Variants in HPS6 observed in about 807,000 individuals in gnomAD.
HPS6 encodes the protein HPS6 biogenesis of lysosomal organelles complex 2 subunit 3, also known as BLOC-2 complex member HPS6.
A neutral mutation model predicts 53.6 loss-of-function variants in HPS6; 46 were observed. The ratio of observed to expected loss-of-function variants is 0.86; its 90% CI spans 0.68 to 1.10. The LOEUF (loss-of-function observed/expected upper bound fraction) is 1.10. HPS6 is among the 50% of genes least tolerant of loss of function. The pLI is 0.00. For missense variants in HPS6, 1,034 were observed against 991.3 expected, an observed-to-expected ratio of 1.04 and a Z score of -0.58; for synonymous variants, 535 against 470.8, an observed-to-expected ratio of 1.14 and a Z score of -1.77.
rs1564899880 is a variant in HPS6, at chr10:102,067,252, C to CG, written c.1781dup (p.Trp595LeufsTer20). ...GAGCTGGCACAGCAGCAGGGCGGGC[C>CG]GGGCTGGGGGGCAGGGGGCCCAGGA... On this transcript the variant is annotated frameshift_variant, in exon 1 of 1. Coordinates refer to ENST00000299238, the MANE Select transcript of HPS6 (RefSeq NM_024747.6). LOFTEE classifies it high-confidence loss of function. The CG allele has an allele frequency of 9.8e-7, 1 of 1,016,730 alleles. No individual in the cohort carries two copies. Among genetic ancestry groups the CG allele is most frequent in the Non-Finnish European group, 1.5e-6 (1 of 683,370 alleles). 63.0% of individuals were successfully genotyped at this position (1,016,730 alleles called of 1,614,324 possible).
Position 102,067,540 on chromosome 10 carries a change from C to A in HPS6, c.2066C>A (p.Pro689His), listed in dbSNP as rs375791336. 2 of 1,613,718 alleles carry A rather than the reference C, an allele frequency of 1.2e-6. No individual in the cohort carries two copies. The highest frequency in any genetic ancestry group is 2.2e-5 in the South Asian group (2 of 91,084). Residue 689 changes from proline to histidine, a missense_variant, in exon 1 of 1, where the codon CCC becomes CAC. Physicochemically the swap from Pro to His is moderately conservative, Grantham distance 77. Coordinates refer to ENST00000299238, the MANE Select transcript of HPS6 (RefSeq NM_024747.6). ...AQHRRLDAHL[P>H]LLCRLCPPEL... is the part of the protein sequence containing the mutation. ...CACCGCCGGCTTGATGCTCACCTCC[C>A]CCTCCTTTGCCGCCTGTGCCCACCA...
chr10:102,065,913 C>T lies in HPS6; in HGVS notation c.439C>T (p.Arg147Trp), dbSNP rs921408284. Residue 147 changes from arginine (R) to tryptophan (W), a missense_variant, in exon 1 of 1, where the codon CGG (arginine) becomes TGG (tryptophan). Transcript: ENST00000299238. ...RLVWCEERQA[R>W]AEGPSGSPAA... is the part of the protein sequence containing the mutation. ...GGTGTGGTGCGAGGAGCGGCAGGCC[C>T]GGGCCGAGGGCCCGTCAGGGTCGCC... 3 of 1,547,738 alleles carry T rather than the reference C, an allele frequency of 1.9e-6. No individual in the cohort carries two copies. The highest frequency in any genetic ancestry group is 1.9e-5 in the Admixed American group (1 of 51,584).
chr10:102,066,960 A>G lies in HPS6; in HGVS notation c.1486A>G (p.Thr496Ala). ...GCAGGAAGTGGCACGCCTGCTGAGG[A>G]CTGAGTTGATAGGAGACCAGCTAGC... ...AEQEVARLLR[T>A]ELIGDQLAQL... Residue 496 changes from threonine (T) to alanine (A), a missense_variant, in exon 1 of 1, where the codon ACT becomes GCT. Transcript: ENST00000299238. The G allele has an allele frequency of 6.2e-7, 1 of 1,614,122 alleles. No homozygotes were observed. Among genetic ancestry groups the G allele is most frequent in the Non-Finnish European group, 8.5e-7 (1 of 1,180,010 alleles).
At position 102,067,622 on chromosome 10, in the gene HPS6, G is replaced by A; in HGVS notation, c.2148G>A (p.Val716=). The A allele has an allele frequency of 6.2e-7, 1 of 1,613,908 alleles. No individual in the cohort carries two copies. The highest frequency in any genetic ancestry group is 8.5e-7 in the Non-Finnish European group (1 of 1,180,038). ...TGAGGACATACCTCCCAGATGAGGT[G>A]GGGCCCCCAACCCCATTCCCTGAGC... is the stretch of plus-strand genomic sequence containing the variant. The part of the protein sequence containing the change: ...LLLRTYLPDE[V]GPPTPFPEPG... Residue 716 remains valine (V), a synonymous_variant, in exon 1 of 1, where the codon GTG becomes GTA. Coordinates refer to ENST00000299238, the MANE Select transcript of HPS6 (RefSeq NM_024747.6).
Position 102,065,540 on chromosome 10 carries a change from C to T in HPS6, c.66C>T (p.Leu22=). Residue 22 remains leucine, a synonymous_variant, in exon 1 of 1, where the codon CTC becomes CTT. Transcript: ENST00000299238. ...DLSAFGGAAR[L]RELVAGDSAV... is the part of the protein sequence containing the mutation. ...GCGCCTTCGGCGGCGCGGCGCGGCTCCGGGAGCTGGTGGCCGGGGACTCAG... is the reference window on the plus strand; with the variant it reads ...GCGCCTTCGGCGGCGCGGCGCGGCTTCGGGAGCTGGTGGCCGGGGACTCAG... 1.9e-6 allele frequency: 3 copies of T among 1,550,514 alleles called. No individual in the cohort carries two copies. The highest frequency in any genetic ancestry group is 2.6e-6 in the Non-Finnish European group (3 of 1,159,944).
rs764620855 is a variant in HPS6, at chr10:102,066,724, G to A, written c.1250G>A (p.Arg417Gln). Residue 417 changes from arginine (R) to glutamine (Q), a missense_variant, in exon 1 of 1, where the codon CGG (arginine) becomes CAG (glutamine). Arg to Gln is a conservative substitution (Grantham distance 43). Transcript: ENST00000299238. Reference sequence around the variant, plus strand: ...GGGTACTACCAGCGGCGGAGCCTGCGGGGTGCCCAGCTCACTCCAGAAGAA... The same window carrying A: ...GGGTACTACCAGCGGCGGAGCCTGCAGGGTGCCCAGCTCACTCCAGAAGAA... ...ACGYYQRRSL[R>Q]GAQLTPEELR... 10 of 1,613,822 alleles carry A rather than the reference G, an allele frequency of 6.2e-6. No individual in the cohort carries two copies. In the African/African-American group the frequency reaches 6.7e-5, roughly 11 times the overall value.
Position 102,066,622 on chromosome 10 carries a change from T to C in HPS6, c.1148T>C (p.Leu383Pro). The C allele has an allele frequency of 1.2e-6, 2 of 1,613,994 alleles. No individual in the cohort carries two copies. The highest frequency in any genetic ancestry group is 1.7e-6 in the Non-Finnish European group (2 of 1,180,042). The change falls in exon 1 of 1, where the codon CTG becomes CCG. Residue 383 changes from leucine (L) to proline (P), a missense_variant. Coordinates refer to ENST00000299238, the MANE Select transcript of HPS6 (RefSeq NM_024747.6). The stretch of plus-strand genomic sequence containing the variant: ...CTTCGTCTGCTTTCAGCCTTGGGTC[T>C]GTTTTGTGTGGGCTGGGAAGCCCCA... The part of the protein sequence containing the change: ...GNLRLLSALG[L>P]FCVGWEAPQG...
chr10:102,066,230 G>C lies in HPS6; in HGVS notation c.756G>C (p.Arg252=), dbSNP rs2067969004. The change falls in exon 1 of 1, where the codon CGG becomes CGC. Residue 252 remains arginine, a synonymous_variant. Coordinates refer to ENST00000299238, the MANE Select transcript of HPS6 (RefSeq NM_024747.6). ...NPGRGDTWDF[R]TLLRGLPGLL... ...GACGAGGGGACACATGGGACTTCCGGACCCTGCTCCGAGGCCTTCCTGGGT... is the reference window on the plus strand; with the variant it reads ...GACGAGGGGACACATGGGACTTCCGCACCCTGCTCCGAGGCCTTCCTGGGT... 6.2e-7 allele frequency: 1 copy of C among 1,613,902 alleles called. No homozygotes were observed. The highest frequency in any genetic ancestry group is 8.5e-7 in the Non-Finnish European group (1 of 1,180,034).
Position 102,066,750 on chromosome 10 carries a change from C to T in HPS6, c.1276C>T (p.Leu426=). 2 of 1,614,152 alleles carry T rather than the reference C, an allele frequency of 1.2e-6. No homozygotes were observed. Among genetic ancestry groups the T allele is most frequent in the Middle Eastern group, 1.6e-4 (1 of 6,062 alleles). ...GGGTGCCCAGCTCACTCCAGAAGAA[C>T]TGAGACACAGCAGCACATTCCGGGC... ...LRGAQLTPEE[L]RHSSTFRAPQ... is the part of the protein sequence containing the mutation. The change falls in exon 1 of 1, where the codon CTG becomes TTG. Residue 426 remains leucine (L), a synonymous_variant. Coordinates refer to ENST00000299238, the MANE Select transcript of HPS6 (RefSeq NM_024747.6).
In HPS6 at chr10:102,067,833, C is replaced by T. The variant is rs377203583; in HGVS notation, c.*31C>T. The T allele has an allele frequency of 7.4e-6, 12 of 1,611,644 alleles. No individual in the cohort carries two copies. The highest frequency in any genetic ancestry group is 1.0e-5 in the Non-Finnish European group (12 of 1,178,926). On this transcript the variant is annotated 3_prime_UTR_variant, in exon 1 of 1. Transcript: ENST00000299238. ...CTTCAGGCATCAGAACACTCAGGGCCTGGAGGCTTGCTTGGGACTGGAGGC... is the reference window on the plus strand; with the variant it reads ...CTTCAGGCATCAGAACACTCAGGGCTTGGAGGCTTGCTTGGGACTGGAGGC...
Position 102,067,361 on chromosome 10 carries a change from C to G in HPS6, c.1887C>G (p.Ser629Arg). ...PEALELELLL[S>R]SGRPKAVLQA... Reference sequence around the variant, plus strand: ...CTCTGGAGCTAGAGCTGCTCTTGAGCAGTGGGCGGCCTAAAGCTGTGCTCC... The same window carrying G: ...CTCTGGAGCTAGAGCTGCTCTTGAGGAGTGGGCGGCCTAAAGCTGTGCTCC... Residue 629 changes from serine (S) to arginine (R), a missense_variant, in exon 1 of 1, where the codon AGC (serine) becomes AGG (arginine). Physicochemically the swap from Ser to Arg is moderately radical, Grantham distance 110. Transcript: ENST00000299238. 2 of 1,613,002 alleles carry G rather than the reference C, an allele frequency of 1.2e-6. No individual in the cohort carries two copies. The highest frequency in any genetic ancestry group is 1.7e-6 in the Non-Finnish European group (2 of 1,179,962).
chr10:102,065,385 G>T lies in HPS6; in HGVS notation c.-90G>T, dbSNP rs2067959296. On this transcript the variant is annotated 5_prime_UTR_variant, in exon 1 of 1. Transcript: ENST00000299238. ...TCATCCACGGGAGACGGAAGTCTTGGCCCTGCTCCGCTCCCCCGAGAATCG... is the reference window on the plus strand; with the variant it reads ...TCATCCACGGGAGACGGAAGTCTTGTCCCTGCTCCGCTCCCCCGAGAATCG... 2 of 1,351,366 alleles carry T rather than the reference G, an allele frequency of 1.5e-6. No homozygotes were observed. Among genetic ancestry groups the T allele is most frequent in the East Asian group, 2.8e-5 (1 of 35,656 alleles). 83.7% of individuals were successfully genotyped at this position (1,351,366 alleles called of 1,614,324 possible). A position where few individuals can be genotyped will look rare whatever the true frequency, so the allele number is the denominator to read the frequency against.
In HPS6 at chr10:102,065,651, G is replaced by A. The variant is rs761240967; in HGVS notation, c.177G>A (p.Ala59=). ...PGAVAPQLLV[A]SRGPGAELER... ...CGGTAGCCCCACAGCTGCTAGTCGC[G>A]TCGCGAGGGCCCGGCGCGGAGCTAG... The change falls in exon 1 of 1, where the codon GCG becomes GCA. Residue 59 remains alanine, a synonymous_variant. Coordinates refer to ENST00000299238, the MANE Select transcript of HPS6 (RefSeq NM_024747.6). 1.2e-5 allele frequency: 18 copies of A among 1,539,762 alleles called. No homozygotes were observed. The highest frequency in any genetic ancestry group is 1.5e-5 in the Non-Finnish European group (17 of 1,154,372).
In HPS6 at chr10:102,067,281, C is replaced by T. The variant is rs1259410374; in HGVS notation, c.1807C>T (p.Pro603Ser). ...CTGGGGGGCAGGGGGCCCAGGACTGCCCCTGTATCGCCGAGCTCTGGCAGT... is the reference window on the plus strand; with the variant it reads ...CTGGGGGGCAGGGGGCCCAGGACTGTCCCTGTATCGCCGAGCTCTGGCAGT... Reference protein sequence around the residue: ...PGWGAGGPGLPLYRRALAVLG... With the variant: ...PGWGAGGPGLSLYRRALAVLG... The change falls in exon 1 of 1, where the codon CCC becomes TCC. Residue 603 changes from proline (P) to serine (S), a missense_variant. Physicochemically the swap from Pro to Ser is moderately conservative, Grantham distance 74. Transcript: ENST00000299238. The T allele has an allele frequency of 1.2e-6, 2 of 1,612,952 alleles. No individual in the cohort carries two copies. The highest frequency in any genetic ancestry group is 4.5e-5 in the East Asian group (2 of 44,890).
In HPS6 at chr10:102,067,203, C is replaced by A; in HGVS notation, c.1729C>A (p.Pro577Thr). The A allele has an allele frequency of 6.2e-7, 1 of 1,613,272 alleles. No homozygotes were observed. The highest frequency in any genetic ancestry group is 8.5e-7 in the Non-Finnish European group (1 of 1,180,026). ...GTGCCAGTGTCTGTGCCAGCTGGAG[C>A]CTCGATGGCTGCCACCCTTTGTGGA... ...LLCQCLCQLE[P>T]RWLPPFVELA... The change falls in exon 1 of 1, where the codon CCT (proline) becomes ACT (threonine). Residue 577 changes from proline (P) to threonine (T), a missense_variant. Physicochemically the swap from Pro to Thr is conservative, Grantham distance 38. Coordinates refer to ENST00000299238, the MANE Select transcript of HPS6 (RefSeq NM_024747.6).
At position 102,067,522 on chromosome 10, in the gene HPS6, G is replaced by A. The variant is rs373505445; in HGVS notation, c.2048G>A (p.Arg683Gln). The A allele has an allele frequency of 1.5e-5, 25 of 1,613,656 alleles. No individual in the cohort carries two copies. In the South Asian group the frequency reaches 2.2e-4, roughly 14 times the overall value. ...CTGGCCGAGTTTGCCCAGCACCGCC[G>A]GCTTGATGCTCACCTCCCCCTCCTT... ...LLLAEFAQHR[R>Q]LDAHLPLLCR... The change falls in exon 1 of 1, where the codon CGG becomes CAG. Residue 683 changes from arginine (R) to glutamine (Q), a missense_variant. Arg to Gln is a conservative substitution (Grantham distance 43). Coordinates refer to ENST00000299238, the MANE Select transcript of HPS6 (RefSeq NM_024747.6).
chr10:102,065,660 G>T lies in HPS6; in HGVS notation c.186G>T (p.Gly62=), dbSNP rs752267161. 4 of 1,536,456 alleles carry T rather than the reference G, an allele frequency of 2.6e-6. No homozygotes were observed. The highest frequency in any genetic ancestry group is 2.4e-5 in the South Asian group (2 of 83,756). ...CACAGCTGCTAGTCGCGTCGCGAGGGCCCGGCGCGGAGCTAGAGCGGGCCT... is the reference window on the plus strand; with the variant it reads ...CACAGCTGCTAGTCGCGTCGCGAGGTCCCGGCGCGGAGCTAGAGCGGGCCT... ...VAPQLLVASR[G]PGAELERAWP... Residue 62 remains glycine (G), a synonymous_variant, in exon 1 of 1, where the codon GGG becomes GGT. Transcript: ENST00000299238.
At position 102,067,532 on chromosome 10, in the gene HPS6, T is replaced by C; in HGVS notation, c.2058T>C (p.Ala686=). Residue 686 remains alanine, a synonymous_variant, in exon 1 of 1, where the codon GCT becomes GCC. Transcript: ENST00000299238. ...TTGCCCAGCACCGCCGGCTTGATGCTCACCTCCCCCTCCTTTGCCGCCTGT... is the reference window on the plus strand; with the variant it reads ...TTGCCCAGCACCGCCGGCTTGATGCCCACCTCCCCCTCCTTTGCCGCCTGT... The part of the protein sequence containing the change: ...AEFAQHRRLD[A]HLPLLCRLCP... 1 of 1,613,710 alleles carries C rather than the reference T, an allele frequency of 6.2e-7. No individual in the cohort carries two copies. Among genetic ancestry groups the C allele is most frequent in the Non-Finnish European group, 8.5e-7 (1 of 1,180,030 alleles).
rs1590264236 is a variant in HPS6, at chr10:102,067,534, A to C, written c.2060A>C (p.His687Pro). 1 of 1,613,034 alleles carries C rather than the reference A, an allele frequency of 6.2e-7. No homozygotes were observed. ...EFAQHRRLDA[H>P]LPLLCRLCPP... is the part of the protein sequence containing the mutation. The stretch of plus-strand genomic sequence containing the variant: ...GCCCAGCACCGCCGGCTTGATGCTC[A>C]CCTCCCCCTCCTTTGCCGCCTGTGC... Residue 687 changes from histidine (H) to proline (P), a missense_variant, in exon 1 of 1, where the codon CAC becomes CCC. Coordinates refer to ENST00000299238, the MANE Select transcript of HPS6 (RefSeq NM_024747.6).
Sources: allele counts gnomAD v4.1 joint callset, GRCh38; gene constraint gnomAD v4.1.1; transcripts MANE v1.5; gene names NCBI Gene and HGNC (gene_info 2026-07-23, HGNC 2026-07-21).